PACS1: variants seen among roughly 807,000 people sequenced by gnomAD.
The protein encoded by PACS1 is phosphofurin acidic cluster sorting protein 1.
PACS1 carries 24 observed loss-of-function variants against 115.0 expected under a neutral mutation model. The observed-to-expected ratio is 0.21, with a 90% confidence interval of 0.15 to 0.29. The LOEUF is 0.29. Ranked by LOEUF, PACS1 falls within the 10% of genes least tolerant of loss-of-function variation. The pLI is 1.00. For missense variants in PACS1, 838 were observed against 1,251.2 expected (o/e 0.67, Z 4.98); for synonymous variants, 453 against 504.5 (o/e 0.90, Z 1.37).
rs548227053 is a variant in PACS1 at position 66,127,474 on chromosome 11, C to T, written c.356+56632C>T. 3.5e-3 allele frequency among the ~76,000 whole-genome samples: 534 copies of T among 152,326 alleles called. 3 individuals carry two copies. Among genetic ancestry groups the T allele is most frequent in the Non-Finnish European group, 5.9e-3 (403 of 68,038 alleles). On this transcript the variant is annotated intron_variant, in intron 1 of 23. Coordinates refer to ENST00000320580, the MANE Select transcript of PACS1 (RefSeq NM_018026.4). ...AACCGCCTGGTCCTCCTCACTCATACGTGCTGTCTGTGTGCAGGGTGCTCA... is the reference window on the plus strand; with the variant it reads ...AACCGCCTGGTCCTCCTCACTCATATGTGCTGTCTGTGTGCAGGGTGCTCA...
intron 1 of PACS1, among the ~76,000 whole-genome samples, chr11:66,151,053 C>A (rs1817705351): frequency 6.6e-6 from 1 of 152,040 alleles, no homozygotes; most frequent in South Asian, 2.1e-4. Flanking sequence ...CAAGAGAGGA[C>A]TACAGAAAGG....
rs1859051237 is a variant in PACS1, at chr11:66,143,588, C to T, written c.357-49898C>T. The stretch of plus-strand genomic sequence containing the variant: ...GAAATTTAGTTTGCCATGATTTTTG[C>T]CCTGATTTAACATACGGTACTTAGT... On this transcript the variant is annotated intron_variant, in intron 1 of 23. Coordinates refer to ENST00000320580, the MANE Select transcript of PACS1 (RefSeq NM_018026.4). Among the ~76,000 whole-genome samples, 5 of 152,250 alleles carry T rather than the reference C, an allele frequency of 3.3e-5. No individual in the cohort carries two copies. The South Asian group carries it at 1.0e-3, about 32-fold the overall frequency.
intron 7 of PACS1, chr11:66,217,711 A>G (rs545017490): frequency 9.3e-6 from 4 of 428,528 alleles, no homozygotes; most frequent in East Asian, 1.4e-4. Context: ...CCACCTCTCA[A>G]TTGGTGCTCC....
intron 1 of PACS1, among the ~76,000 whole-genome samples, chr11:66,099,535 A>G (rs1438637006): frequency 1.3e-5 from 2 of 148,748 alleles, no homozygotes; most frequent in Non-Finnish European, 3.0e-5. Context: ...ATCACTTTCT[A>G]TATCATTTTC....
chr11:66,215,233 G>A (rs984277450), intron 4 of PACS1, among the ~76,000 whole-genome samples: 3 of 151,494 alleles, frequency 2.0e-5, no homozygotes, highest in African/African-American at 7.3e-5. Context: ...CACCTGGCCC[G>A]AGCAGCCATT....
rs1855648772 is a variant in PACS1, at chr11:66,233,750, C to T, written c.1839-35C>T. 3 of 1,596,588 alleles carry T rather than the reference C, an allele frequency of 1.9e-6. No individual in the cohort carries two copies. The highest frequency in any genetic ancestry group is 2.6e-6 in the Non-Finnish European group (3 of 1,170,568). On this transcript the variant is annotated intron_variant, in intron 15 of 23. Coordinates refer to ENST00000320580, the MANE Select transcript of PACS1 (RefSeq NM_018026.4). The surrounding 1 kb of genome is among the most constrained non-coding windows in gnomAD (Gnocchi z 4.5). ...TCCCCCGGGCAGGATCCTGGCACCC[C>T]TGAGCACTGCTATGACGCTCCCCTT...
intron 1 of PACS1, among the ~76,000 whole-genome samples, chr11:66,129,302 C>T (rs1007997276): frequency 1.9e-4 from 28 of 151,306 alleles, no homozygotes; most frequent in Admixed American, 4.6e-4. Context: ...TGTGGTGGCG[C>T]GCACTTGTAA....
At chr11:66,171,193 T>C (rs1859729427) in intron 1 of PACS1, among the ~76,000 whole-genome samples, 1 of 150,458 alleles carries the variant, frequency 6.6e-6, no homozygotes, top group South Asian at 2.1e-4. Context: ...AGACATTTTA[T>C]TAAGTTTATA....
chr11:66,243,219 A>C lies in PACS1; in HGVS notation c.2831A>C (p.Gln944Pro). 6.2e-7 allele frequency: 1 copy of C among 1,613,454 alleles called. No homozygotes were observed. Among genetic ancestry groups the C allele is most frequent in the Non-Finnish European group, 8.5e-7 (1 of 1,179,682 alleles). ...SDIKFFQLAA[Q>P]WPTHVKHFPV... ...ATCAAGTTCTTCCAGCTGGCAGCCCAGTGGCCCACCCATGTCAAGCACTTT... is the reference window on the plus strand; with the variant it reads ...ATCAAGTTCTTCCAGCTGGCAGCCCCGTGGCCCACCCATGTCAAGCACTTT... Residue 944 changes from glutamine to proline, a missense_variant, in exon 24 of 24, where the codon CAG (glutamine) becomes CCG (proline). Physicochemically the swap from Gln to Pro is moderately conservative, Grantham distance 76. Around this residue, in one of 6 missense-constraint regions of PACS1, gnomAD observed 84 missense variants for 187.1 expected, o/e 0.45. Transcript: ENST00000320580.
At chr11:66,161,189 A>G (rs895899466) in intron 1 of PACS1, among the ~76,000 whole-genome samples, 2 of 152,226 alleles carry the variant, frequency 1.3e-5, no homozygotes, top group African/African-American at 4.8e-5. Context: ...GAGAATATAT[A>G]TATGGCACTC....
intron 7 of PACS1, chr11:66,217,083 C>T: frequency 2.5e-6 from 1 of 392,974 alleles, no homozygotes; most frequent in Non-Finnish European, 4.7e-6. Flanking sequence ...CCCACCCACT[C>T]CAGTGGCTGC....
chr11:66,159,142 A>G (rs1398348321), intron 1 of PACS1, among the ~76,000 whole-genome samples: 1 of 152,190 alleles, frequency 6.6e-6, no homozygotes, highest in African/African-American at 2.4e-5. Context: ...ATGTTTTCAG[A>G]AATGCAGGGT....
At chr11:66,078,841 A>G (rs763669400) in intron 1 of PACS1, among the ~76,000 whole-genome samples, 3 of 152,146 alleles carry the variant, frequency 2.0e-5, no homozygotes, top group Middle Eastern at 3.2e-3. Context: ...GGCGTAAGCC[A>G]CCGCACCCAG....
chr11:66,241,995 TC>T (rs1207487965), intron 22 of PACS1, among the ~76,000 whole-genome samples: 1 of 152,162 alleles, frequency 6.6e-6, no homozygotes, highest in South Asian at 2.1e-4. Flanking sequence ...ATATCACAGC[TC>T]CAGGTCCCTG....
chr11:66,096,511 T>C (rs963677317), intron 1 of PACS1, among the ~76,000 whole-genome samples: 15 of 151,570 alleles, frequency 9.9e-5, no homozygotes, highest in Admixed American at 9.9e-4. Flanking sequence ...AATTTTTTTT[T>C]TTTTTTTTGA....
chr11:66,136,323 T>TCTCACACACA (rs1456724621), intron 1 of PACS1, among the ~76,000 whole-genome samples: 8 of 145,910 alleles, frequency 5.5e-5, no homozygotes, highest in African/African-American at 2.1e-4. Context: ...AATCCCACTG[T>TCTCACACACA]CACACACACA....
At chr11:66,205,715 T>C (rs561025802) in intron 2 of PACS1, among the ~76,000 whole-genome samples, 2 of 149,092 alleles carry the variant, frequency 1.3e-5, no homozygotes, top group East Asian at 2.0e-4. Context: ...GCAGCTCTTA[T>C]ACTCCTGGGC....
rs773254882 is a variant in PACS1 at position 66,221,227 on chromosome 11, G to A, written c.1273G>A (p.Gly425Arg). The change falls in exon 10 of 24, where the codon GGA becomes AGA. Residue 425 changes from glycine (G) to arginine (R), a missense_variant. By Grantham distance (125) the Gly-to-Arg change is moderately radical. Around this residue, in one of 6 missense-constraint regions of PACS1, gnomAD observed 383 missense variants for 537.0 expected, o/e 0.71. Coordinates refer to ENST00000320580, the MANE Select transcript of PACS1 (RefSeq NM_018026.4). ...CAGCCTCAACAGCAAAGGCAGCCTC[G>A]GAAAAGACACCACCAGCCCTGTGAG... ...IGSLNSKGSL[G>R]KDTTSPMELA... The A allele has an allele frequency of 8.7e-6, 14 of 1,614,188 alleles. No homozygotes were observed. The highest frequency in any genetic ancestry group is 2.2e-5 in the East Asian group (1 of 44,880).
chr11:66,166,562 A>G lies in PACS1; in HGVS notation c.357-26924A>G, dbSNP rs1184637206. Among the ~76,000 whole-genome samples the G allele has an allele frequency of 2.0e-5, 3 of 150,438 alleles. No individual in the cohort carries two copies. The East Asian group carries it at 5.8e-4, about 29-fold the overall frequency. ...GTTTCATCTTCTTTTTTAAAGTTTT[A>G]CTCTATATGTATTTCCCTGCACAAT... On this transcript the variant is annotated intron_variant, in intron 1 of 23. Coordinates refer to ENST00000320580, the MANE Select transcript of PACS1 (RefSeq NM_018026.4).
Sources: gnomAD v4.1 joint callset for allele counts (sites outside exome capture counted in the v4.1 genomes callset) on GRCh38, gnomAD v4.1.1 for gene constraint, gnomAD v4.1.1 regional missense constraint, Gnocchi (gnomAD v3.1) non-coding constraint, MANE v1.5 for transcripts, NCBI Gene and HGNC (gene_info 2026-07-23, HGNC 2026-07-21) for gene names.